Variants in AKAP19 observed in about 807,000 individuals in gnomAD.
AKAP19 encodes A-kinase anchoring protein 19, also known as small A-kinase anchoring protein.
At chr2:190,164,470 C>A in the AKAP19 span, among the ~76,000 whole-genome samples, 1 of 152,102 alleles carries the variant, frequency 6.6e-6, no homozygotes, top group Non-Finnish European at 1.5e-5. Flanking sequence ...GTGGAGGTTG[C>A]AGTGAACTAT....
At chr2:189,898,842 C>A in the AKAP19 span, among the ~76,000 whole-genome samples, 1 of 152,170 alleles carries the variant, frequency 6.6e-6, no homozygotes, top group Non-Finnish European at 1.5e-5. Context: ...AACGAAAGAA[C>A]CTTTCTCAAA....
chr2:190,031,853 TA>T, the AKAP19 span, among the ~76,000 whole-genome samples: 1 of 152,114 alleles, frequency 6.6e-6, no homozygotes, highest in African/African-American at 2.4e-5. Flanking sequence ...GTCAGTTTTT[TA>T]AAAAAAATTT....
the AKAP19 span, among the ~76,000 whole-genome samples, chr2:190,165,860 A>G: frequency 6.6e-6 from 1 of 152,252 alleles, no homozygotes. Context: ...ACCAAATATA[A>G]GAAAGAATAT....
At chr2:190,052,757 ATT>A in the AKAP19 span, among the ~76,000 whole-genome samples, 4 of 152,230 alleles carry the variant, frequency 2.6e-5, no homozygotes, top group Non-Finnish European at 5.9e-5. Context: ...AAAGGATTGA[ATT>A]AGTGATTTAA....
At chr2:190,034,994 G>A in the AKAP19 span, among the ~76,000 whole-genome samples, 3 of 152,034 alleles carry the variant, frequency 2.0e-5, no homozygotes, top group East Asian at 5.8e-4. Context: ...CCAATGGCCA[G>A]TCTTGTTTTA....
chr2:190,200,413 C>T, the AKAP19 span: 1 of 356,788 alleles, frequency 2.8e-6, no homozygotes, highest in Non-Finnish European at 5.4e-6. Flanking sequence ...AATGTCACAG[C>T]ACTTCTTCCT....
the AKAP19 span, among the ~76,000 whole-genome samples, chr2:189,889,829 A>G: frequency 6.6e-6 from 1 of 151,782 alleles, no homozygotes; most frequent in Admixed American, 6.6e-5. Context: ...TTTCTTCTTT[A>G]TTAGTCTGGC....
the AKAP19 span, among the ~76,000 whole-genome samples, chr2:190,051,942 A>G: frequency 6.6e-6 from 1 of 151,794 alleles, no homozygotes; most frequent in Non-Finnish European, 1.5e-5. Context: ...GGTTCACGCC[A>G]TTCTCCTGCC....
At chr2:189,894,972 A>G in the AKAP19 span, among the ~76,000 whole-genome samples, 1 of 151,870 alleles carries the variant, frequency 6.6e-6, no homozygotes, top group African/African-American at 2.4e-5. Context: ...AAACATTAAT[A>G]TTAAATATTT....
At chr2:190,008,517 A>G in the AKAP19 span, among the ~76,000 whole-genome samples, 1 of 152,166 alleles carries the variant, frequency 6.6e-6, no homozygotes, top group African/African-American at 2.4e-5. Flanking sequence ...TCAATTGTAT[A>G]CTAGTAATTA....
chr2:190,105,342 AATACC>A, the AKAP19 span, among the ~76,000 whole-genome samples: 2 of 152,294 alleles, frequency 1.3e-5, no homozygotes, highest in East Asian at 1.9e-4. Flanking sequence ...AAGTTGTATG[AATACC>A]ATAATTACTG....
the AKAP19 span, among the ~76,000 whole-genome samples, chr2:189,916,361 G>A: frequency 5.2e-5 from 7 of 133,486 alleles, no homozygotes; most frequent in East Asian, 2.1e-4. Flanking sequence ...CAGAGCTGTC[G>A]CCCAGGCTGG....
the AKAP19 span, among the ~76,000 whole-genome samples, chr2:189,966,943 C>T: frequency 6.6e-6 from 1 of 152,154 alleles, no homozygotes; most frequent in Non-Finnish European, 1.5e-5. Flanking sequence ...TAAAGAAAAC[C>T]TGCAACTAGA....
chr2:189,893,808 G>T, the AKAP19 span, among the ~76,000 whole-genome samples: 2 of 152,082 alleles, frequency 1.3e-5, no homozygotes, highest in African/African-American at 4.8e-5. Flanking sequence ...CAATATAGGA[G>T]TATGTACATA....
the AKAP19 span, among the ~76,000 whole-genome samples, chr2:189,973,247 T>C: frequency 1.3e-5 from 2 of 152,142 alleles, no homozygotes; most frequent in South Asian, 2.1e-4. Context: ...TAATCATGTG[T>C]TTTTTTGTCT....
At chr2:189,924,188 A>G in the AKAP19 span, 1 of 1,514,950 alleles carries the variant, frequency 6.6e-7, no homozygotes, top group South Asian at 1.3e-5. Flanking sequence ...GATGACAGAG[A>G]CAGCGCCAAT....
chr2:190,077,460 C>CATGTTAAAATGTTTAACATG, the AKAP19 span, among the ~76,000 whole-genome samples: 2 of 131,762 alleles, frequency 1.5e-5, no homozygotes, highest in East Asian at 2.4e-4. Flanking sequence ...AACATGTTAA[C>CATGTTAAAATGTTTAACATG]ATGTTAACAT....
At chr2:189,890,463 C>G in the AKAP19 span, among the ~76,000 whole-genome samples, 25 of 152,232 alleles carry the variant, frequency 1.6e-4, no homozygotes, top group African/African-American at 5.3e-4. Flanking sequence ...AGTTCAAGTC[C>G]TGAATATCCT....
chr2:190,174,171 G>A, the AKAP19 span, among the ~76,000 whole-genome samples: 2 of 152,172 alleles, frequency 1.3e-5, no homozygotes, highest in Non-Finnish European at 1.5e-5. Flanking sequence ...TTAGGAATAA[G>A]ACCCCCTTCC....
Sources: gnomAD v4.1 joint callset for allele counts (sites outside exome capture counted in the v4.1 genomes callset) on GRCh38, gnomAD v4.1.1 for gene constraint, MANE v1.5 for transcripts, NCBI Gene and HGNC (gene_info 2026-07-23, HGNC 2026-07-21) for gene names.